CCDC126: variants seen among roughly 807,000 people sequenced by gnomAD.
CCDC126 encodes coiled-coil domain-containing protein 126.
A neutral mutation model predicts 11.7 loss-of-function variants in CCDC126; 5 were observed. The observed-to-expected ratio is 0.43, with a 90% confidence interval of 0.22 to 0.90. The LOEUF is 0.90. CCDC126 is among the 40% of genes least tolerant of loss of function. The pLI is 0.27. For synonymous variants in CCDC126, 60 were observed against 61.9 expected (o/e 0.97, Z 0.14); for missense variants, 150 against 163.1 (o/e 0.92, Z 0.44).
chr7:23,600,492 T>C (rs1202973245), intron 2 of CCDC126, among the ~76,000 whole-genome samples: 2 of 151,996 alleles, frequency 1.3e-5, no homozygotes, highest in African/African-American at 4.8e-5. Context: ...AGGACTTTTT[T>C]TTGGGTCGTT....
chr7:23,601,216 G>T (rs1436804812), intron 2 of CCDC126, among the ~76,000 whole-genome samples: 1 of 152,020 alleles, frequency 6.6e-6, no homozygotes, highest in Admixed American at 6.5e-5. Context: ...AGACCTTGTC[G>T]CTGCTAAAAA....
intron 2 of CCDC126, among the ~76,000 whole-genome samples, chr7:23,603,447 G>T (rs959594792): frequency 3.9e-5 from 6 of 152,092 alleles, no homozygotes; most frequent in African/African-American, 1.4e-4. Flanking sequence ...AGTTTATTCC[G>T]TATTTACAAA....
At chr7:23,623,019 GCTGGAGT>G (rs1782947863) in intron 3 of CCDC126, among the ~76,000 whole-genome samples, 1 of 142,120 alleles carries the variant, frequency 7.0e-6, no homozygotes, top group African/African-American at 2.7e-5. Flanking sequence ...TGTTGCCCAG[GCTGGAGT>G]GCAATGGCAC....
chr7:23,631,434 C>T (rs899499837), intron 3 of CCDC126, among the ~76,000 whole-genome samples: 1 of 152,098 alleles, frequency 6.6e-6, no homozygotes, highest in Non-Finnish European at 1.5e-5. Context: ...CCGCAATCCA[C>T]CCAATATGAA....
At chr7:23,642,007 G>A (rs1247009355) in intron 3 of CCDC126, among the ~76,000 whole-genome samples, 1 of 151,978 alleles carries the variant, frequency 6.6e-6, no homozygotes, top group Non-Finnish European at 1.5e-5. Flanking sequence ...CTTAGTCTGT[G>A]TTTTTTTGGT....
At chr7:23,620,488 A>G (rs1187133245) in intron 3 of CCDC126, among the ~76,000 whole-genome samples, 3 of 152,220 alleles carry the variant, frequency 2.0e-5, no homozygotes, top group Non-Finnish European at 4.4e-5. Context: ...GCCCTTTGTC[A>G]GATGAGTAGA....
At chr7:23,603,178 G>C (rs1467568159) in intron 2 of CCDC126, among the ~76,000 whole-genome samples, 4 of 152,022 alleles carry the variant, frequency 2.6e-5, no homozygotes, top group Non-Finnish European at 5.9e-5. Context: ...GTTTATCTTT[G>C]TTTTACTTCA....
At chr7:23,638,826 T>C (rs1280492438) in intron 3 of CCDC126, among the ~76,000 whole-genome samples, 1 of 141,486 alleles carries the variant, frequency 7.1e-6, no homozygotes, top group South Asian at 2.3e-4. Flanking sequence ...ATAGGTGATA[T>C]GTTGTTTGAT....
At chr7:23,602,390 C>T (rs1450364548) in intron 2 of CCDC126, among the ~76,000 whole-genome samples, 1 of 152,170 alleles carries the variant, frequency 6.6e-6, no homozygotes, top group African/African-American at 2.4e-5. Flanking sequence ...TTAGAGAACA[C>T]CAATAAGAAT....
intron 3 of CCDC126, among the ~76,000 whole-genome samples, chr7:23,625,061 C>G (rs1562495628): frequency 6.6e-6 from 1 of 152,142 alleles, no homozygotes; most frequent in Non-Finnish European, 1.5e-5. Context: ...CCGGCATATT[C>G]TCAAACTTCT....
At chr7:23,627,018 C>G (rs1357682972) in intron 3 of CCDC126, among the ~76,000 whole-genome samples, 1 of 152,046 alleles carries the variant, frequency 6.6e-6, no homozygotes, top group Non-Finnish European at 1.5e-5. Context: ...TGTGATTTGC[C>G]TAGAACAATG....
At chr7:23,625,801 G>T (rs1376650011) in intron 3 of CCDC126, among the ~76,000 whole-genome samples, 1 of 151,452 alleles carries the variant, frequency 6.6e-6, no homozygotes, top group Admixed American at 6.6e-5. Flanking sequence ...GACTACAGGC[G>T]CCCGCCACCA....
intron 3 of CCDC126, among the ~76,000 whole-genome samples, chr7:23,621,695 A>C (rs1355522441): frequency 2.0e-5 from 3 of 152,206 alleles, no homozygotes. Context: ...TTGCCCATTC[A>C]GTATGATATT....
At chr7:23,639,868 A>T (rs1319382676) in intron 3 of CCDC126, among the ~76,000 whole-genome samples, 3 of 152,148 alleles carry the variant, frequency 2.0e-5, no homozygotes, top group Non-Finnish European at 4.4e-5. Flanking sequence ...ATCGATAACA[A>T]CATTTGCCAT....
At position 23,602,642 on chromosome 7, in the gene CCDC126, C is replaced by T. The variant is rs17148204; in HGVS notation, c.-146+4591C>T. Among the ~76,000 whole-genome samples, 158 of 152,204 alleles carry T rather than the reference C, an allele frequency of 1.0e-3. 2 individuals are homozygous for T. In the East Asian group the frequency reaches 0.023, roughly 22 times the overall value. ...GAATAAGGAATTTGTTGACTGCTCCCGAGATTCTGGTAAAAGAAGAATTCT... is the reference window on the plus strand; with the variant it reads ...GAATAAGGAATTTGTTGACTGCTCCTGAGATTCTGGTAAAAGAAGAATTCT... On this transcript the variant is annotated intron_variant, in intron 2 of 3. Transcript: ENST00000307471.
At chr7:23,637,498 C>A (rs1291503313) in intron 3 of CCDC126, among the ~76,000 whole-genome samples, 2 of 92,690 alleles carry the variant, frequency 2.2e-5, no homozygotes, top group Admixed American at 1.1e-4. Flanking sequence ...CAGCCCCCCG[C>A]CCGGCCAGCC....
intron 2 of CCDC126, among the ~76,000 whole-genome samples, chr7:23,609,577 G>A (rs1267840651): frequency 6.6e-5 from 10 of 152,182 alleles, no homozygotes; most frequent in Non-Finnish European, 7.3e-5. Context: ...TAAACTATAA[G>A]CTGAGTTCCT....
intron 3 of CCDC126, among the ~76,000 whole-genome samples, chr7:23,639,641 C>T (rs1351850003): frequency 6.6e-6 from 1 of 152,132 alleles, no homozygotes; most frequent in Non-Finnish European, 1.5e-5. Context: ...TCCCTTTAAA[C>T]TAGAATGTTG....
intron 3 of CCDC126, chr7:23,622,779 T>C (rs1782940354): frequency 2.0e-6 from 1 of 494,722 alleles, no homozygotes; most frequent in African/African-American, 2.0e-5. Context: ...TAACCATAGA[T>C]ACAACATTGA....
Sources: allele counts gnomAD v4.1 joint callset (sites outside exome capture counted in the v4.1 genomes callset), GRCh38; gene constraint gnomAD v4.1.1; transcripts MANE v1.5; gene names NCBI Gene and HGNC (gene_info 2026-07-23, HGNC 2026-07-21).